Variants in ACOX3 observed in about 807,000 individuals in gnomAD.
The protein encoded by ACOX3 is acyl-CoA oxidase 3, pristanoyl.
Under a neutral mutation model 81.5 loss-of-function variants are expected in ACOX3, and 73 were observed. The observed-to-expected ratio is 0.90, with a 90% confidence interval of 0.74 to 1.09. The LOEUF is 1.09. Among genes scored for constraint, ACOX3 ranks in the 50% least tolerant of loss-of-function variants. The pLI, the probability that ACOX3 is intolerant of heterozygous loss-of-function variation, is 0.00. For synonymous variants in ACOX3, 387 were observed against 375.1 expected (o/e 1.03, Z -0.37); for missense variants, 947 against 928.0 (o/e 1.02, Z -0.27).
In ACOX3 at chr4:8,437,498, C is replaced by T. The variant is rs970712812; in HGVS notation, c.-15+3150G>A. On this transcript the variant is annotated intron_variant, in intron 1 of 17. Coordinates refer to ENST00000356406, the MANE Select transcript of ACOX3 (RefSeq NM_003501.3). This position sits in a 1 kb window ranked among gnomAD's most constrained non-coding sequence, Gnocchi z 5.2. ...CAGGGCCTGTGCCACTGCCTGGCCC[C>T]GCCAGGTGGCCATAGAAGCAGGAGA... 2.6e-5 allele frequency among the ~76,000 whole-genome samples: 4 copies of T among 152,220 alleles called. No individual in the cohort carries two copies. The highest frequency in any genetic ancestry group is 9.6e-5 in the African/African-American group (4 of 41,514).
rs1718750724 is a variant in ACOX3 at position 8,389,827 on chromosome 4, G to C, written c.1301-93C>G. ...AGAATTTAAAAAGCCTTAAGAGGCT[G>C]GGTGCGGTGGCTCACACCTGTAATG... On this transcript the variant is annotated intron_variant, in intron 11 of 17. Coordinates refer to ENST00000356406, the MANE Select transcript of ACOX3 (RefSeq NM_003501.3). This position sits in a 1 kb window ranked among gnomAD's most constrained non-coding sequence, Gnocchi z 5.3. The C allele has an allele frequency of 2.6e-6, 4 of 1,530,782 alleles. No homozygotes were observed. In the African/African-American group the frequency reaches 5.5e-5, roughly 21 times the overall value. 94.8% of individuals were successfully genotyped at this position (1,530,782 alleles called of 1,614,324 possible).
Position 8,366,834 on chromosome 4 carries a change from T to C in ACOX3, c.*127A>G. ...GGGCAGTTGAGGCCAATCAGCAGTT[T>C]AGGCGCACAGGTGCGGGCTCAGAAA... On this transcript the variant is annotated 3_prime_UTR_variant, in exon 18 of 18. Transcript: ENST00000356406. 3.6e-6 allele frequency: 5 copies of C among 1,380,908 alleles called. No individual in the cohort carries two copies. The highest frequency in any genetic ancestry group is 4.9e-6 in the Non-Finnish European group (5 of 1,011,230). The allele number at this position is 1,380,908 out of a possible 1,614,324, so 85.5% of individuals were successfully genotyped here.
At position 8,432,705 on chromosome 4, in the gene ACOX3, G is replaced by A. The variant is rs528097736; in HGVS notation, c.-15+7943C>T. 9.2e-5 allele frequency among the ~76,000 whole-genome samples: 14 copies of A among 152,264 alleles called. No homozygotes were observed. Among genetic ancestry groups the A allele is most frequent in the African/African-American group, 2.9e-4 (12 of 41,534 alleles). On this transcript the variant is annotated intron_variant, in intron 1 of 17. Coordinates refer to ENST00000356406, the MANE Select transcript of ACOX3 (RefSeq NM_003501.3). This position sits in a 1 kb window ranked among gnomAD's most constrained non-coding sequence, Gnocchi z 6.2. Reference sequence around the variant, plus strand: ...GCACAACAGGGCTGCCACTCAGGGCGCTCAGAGCAGCCAGGGACTTCCGGT... The same window carrying A: ...GCACAACAGGGCTGCCACTCAGGGCACTCAGAGCAGCCAGGGACTTCCGGT...
In ACOX3 at chr4:8,382,136, G is replaced by T. The variant is rs930029235; in HGVS notation, c.1538-529C>A. 6.6e-6 allele frequency among the ~76,000 whole-genome samples: 1 copy of T among 152,204 alleles called. No homozygotes were observed. Among genetic ancestry groups the T allele is most frequent in the African/African-American group, 2.4e-5 (1 of 41,468 alleles). On this transcript the variant is annotated intron_variant, in intron 13 of 17. Transcript: ENST00000356406. This position sits in a 1 kb window ranked among gnomAD's most constrained non-coding sequence, Gnocchi z 4.1. ...ACTGGGGACTGACATGGTGGGGGAG[G>T]GGGGAACCTAAGGCCTCACCCCCTG...
At chr4:8,373,939 G>A in intron 15 of ACOX3, 1 of 441,414 alleles carries the variant, frequency 2.3e-6, no homozygotes, top group Non-Finnish European at 4.1e-6. Context: ...AGGGAGGCTG[G>A]GCGGGTTCCT....
At chr4:8,373,351 T>C (rs948923578) in intron 16 of ACOX3, among the ~76,000 whole-genome samples, 4 of 151,434 alleles carry the variant, frequency 2.6e-5, no homozygotes, top group Non-Finnish European at 4.4e-5. Flanking sequence ...GCTAAGGCGG[T>C]GTGTGTCAGC....
chr4:8,437,042 A>T lies in ACOX3; in HGVS notation c.-15+3606T>A, dbSNP rs977061447. Among the ~76,000 whole-genome samples the T allele has an allele frequency of 2.7e-5, 4 of 146,218 alleles. No homozygotes were observed. Among genetic ancestry groups the T allele is most frequent in the South Asian group, 2.1e-4 (1 of 4,750 alleles). Reference sequence around the variant, plus strand: ...ATATATATTCGAAAAAATATATATAAATATATATATACAAATATATGTAAA... The same window carrying T: ...ATATATATTCGAAAAAATATATATATATATATATATACAAATATATGTAAA... On this transcript the variant is annotated intron_variant, in intron 1 of 17. Coordinates refer to ENST00000356406, the MANE Select transcript of ACOX3 (RefSeq NM_003501.3). This position sits in a 1 kb window ranked among gnomAD's most constrained non-coding sequence, Gnocchi z 5.2.
At chr4:8,355,986 T>C in the ACOX3 span, 1 of 171,464 alleles carries the variant, frequency 5.8e-6, no homozygotes, top group East Asian at 1.3e-4. Context: ...AAGACACCAA[T>C]TTTATGTTCT....
At chr4:8,375,277 CAT>C in intron 14 of ACOX3, 125 bp from the exon 15 acceptor site, 1 of 956,068 alleles carries the variant, frequency 1.0e-6, no homozygotes, top group South Asian at 1.8e-5. Flanking sequence ...AGGACAGTAA[CAT>C]AAGGTGAGGC....
rs559605430 is a variant in ACOX3, at chr4:8,366,824, A to G, written c.*137T>C. On this transcript the variant is annotated 3_prime_UTR_variant, in exon 18 of 18. Transcript: ENST00000356406. ...CCGTCCGCCTGGGCAGTTGAGGCCAATCAGCAGTTTAGGCGCACAGGTGCG... is the reference window on the plus strand; with the variant it reads ...CCGTCCGCCTGGGCAGTTGAGGCCAGTCAGCAGTTTAGGCGCACAGGTGCG... 8 of 1,296,398 alleles carry G rather than the reference A, an allele frequency of 6.2e-6. No homozygotes were observed. Among genetic ancestry groups the G allele is most frequent in the Admixed American group, 2.1e-5 (1 of 47,782 alleles). 80.3% of individuals were successfully genotyped at this position (1,296,398 alleles called of 1,614,324 possible). A position where few individuals can be genotyped will look rare whatever the true frequency, so the allele number is the denominator to read the frequency against.
At chr4:8,408,177 A>C (rs961933656) in intron 6 of ACOX3, among the ~76,000 whole-genome samples, 6 of 152,050 alleles carry the variant, frequency 3.9e-5, no homozygotes, top group Admixed American at 2.0e-4. Context: ...ACACTCAAAA[A>C]GGGCTAAAAC....
rs1718183812 is a variant in ACOX3 at position 8,385,358 on chromosome 4, C to T, written c.1538-3751G>A. On this transcript the variant is annotated intron_variant, in intron 13 of 17. Transcript: ENST00000356406. This position sits in a 1 kb window ranked among gnomAD's most constrained non-coding sequence, Gnocchi z 5.5. ...TCACCTCACATGACCTCACTGTGCA[C>T]TCCACGTGACCTCACCACTCACCCC... Among the ~76,000 whole-genome samples, 1 of 152,154 alleles carries T rather than the reference C, an allele frequency of 6.6e-6. No individual in the cohort carries two copies. The highest frequency in any genetic ancestry group is 1.5e-5 in the Non-Finnish European group (1 of 68,034).
In ACOX3 at chr4:8,392,427, G is replaced by A. The variant is rs1457179463; in HGVS notation, c.1206C>T (p.Ala402=). 6.2e-7 allele frequency: 1 copy of A among 1,604,256 alleles called. No homozygotes were observed. Residue 402 remains alanine (A), a synonymous_variant, in exon 11 of 18, where the codon GCC becomes GCT. Coordinates refer to ENST00000356406, the MANE Select transcript of ACOX3 (RefSeq NM_003501.3). ...CCAGGGGCTTGCTGGCCGATGCCAGGGCGTGGATCTCACGTCCAAGCTCTG... is the reference window on the plus strand; with the variant it reads ...CCAGGGGCTTGCTGGCCGATGCCAGAGCGTGGATCTCACGTCCAAGCTCTG... ...RQAELGREIH[A]LASASKPLAS...
intron 1 of ACOX3, among the ~76,000 whole-genome samples, chr4:8,417,920 T>C (rs1052725357): frequency 1.3e-5 from 2 of 152,192 alleles, no homozygotes; most frequent in Admixed American, 1.3e-4. Context: ...TTGTGAACCA[T>C]GGTATGCCAA....
downstream of ACOX3, among the ~76,000 whole-genome samples, chr4:8,362,002 C>T (rs1465437760): frequency 2.0e-5 from 3 of 152,112 alleles, no homozygotes; most frequent in Admixed American, 6.5e-5. Flanking sequence ...CATTGCATGC[C>T]ACAAAGGTAA....
At chr4:8,377,626 T>C (rs189961263) in intron 14 of ACOX3, among the ~76,000 whole-genome samples, 76 of 152,322 alleles carry the variant, frequency 5.0e-4, no homozygotes, top group African/African-American at 1.7e-3. Flanking sequence ...GCCTGCATGA[T>C]ACTGCGCTGT....
In ACOX3 at chr4:8,407,313, C is replaced by T. The variant is rs1350679936; in HGVS notation, c.688-1270G>A. 6.6e-6 allele frequency among the ~76,000 whole-genome samples: 1 copy of T among 152,180 alleles called. No homozygotes were observed. Among genetic ancestry groups the T allele is most frequent in the East Asian group, 1.9e-4 (1 of 5,190 alleles). ...ATATAATCATATCTAAGATCTATAT[C>T]TGGTATTCTTATTTTATATTTTATT... On this transcript the variant is annotated intron_variant, in intron 6 of 17. Coordinates refer to ENST00000356406, the MANE Select transcript of ACOX3 (RefSeq NM_003501.3). This position sits in a 1 kb window ranked among gnomAD's most constrained non-coding sequence, Gnocchi z 4.6.
chr4:8,392,581 G>T, intron 10 of ACOX3, 128 bp from the exon 11 acceptor site: 3 of 1,091,356 alleles, frequency 2.7e-6, no homozygotes, highest in African/African-American at 1.6e-5. Context: ...GAAAATGACA[G>T]AAGAGGAAAC....
At chr4:8,372,466 T>C (rs938955277) in intron 16 of ACOX3, among the ~76,000 whole-genome samples, 2 of 152,108 alleles carry the variant, frequency 1.3e-5, no homozygotes, top group African/African-American at 4.8e-5. Flanking sequence ...GTGCTTTCCT[T>C]GGTGCACCTG....
Sources: gnomAD v4.1 joint callset for allele counts (sites outside exome capture counted in the v4.1 genomes callset) on GRCh38, gnomAD v4.1.1 for gene constraint, Gnocchi (gnomAD v3.1) non-coding constraint, MANE v1.5 for transcripts, NCBI Gene and HGNC (gene_info 2026-07-23, HGNC 2026-07-21) for gene names.